The following CYB5A variants were observed in gnomAD, a reference collection of about 807,000 sequenced individuals.
The protein encoded by CYB5A is cytochrome b5 type A, also known as cytochrome b5.
CYB5A carries 10 observed loss-of-function variants against 16.2 expected under a neutral mutation model. That is an observed-to-expected ratio of 0.62 (90% CI 0.38 to 1.04). The LOEUF (loss-of-function observed/expected upper bound fraction) is 1.04, where lower values mean the gene tolerates loss of function less well. Among genes scored for constraint, CYB5A ranks in the 50% least tolerant of loss-of-function variants. The probability of loss-of-function intolerance (pLI) is 0.01; values close to 1 mark genes in which losing one functional copy is unlikely to be tolerated. For synonymous variants in CYB5A, 62 were observed against 57.0 expected, an observed-to-expected ratio of 1.09 and a Z score of -0.40; for missense variants, 161 against 165.9, an observed-to-expected ratio of 0.97 and a Z score of 0.16.
At chr18:74,267,368 G>T (rs1240071301) in intron 1 of CYB5A, among the ~76,000 whole-genome samples, 1 of 152,168 alleles carries the variant, frequency 6.6e-6, no homozygotes, top group Non-Finnish European at 1.5e-5. Context: ...GATTGGTCAG[G>T]CTGGTCTTGA....
intron 1 of CYB5A, among the ~76,000 whole-genome samples, chr18:74,278,998 A>ATCCACT (rs1568222734): frequency 6.6e-6 from 1 of 152,226 alleles, no homozygotes. Flanking sequence ...CTTGGGGTAC[A>ATCCACT]GGGAAGGACC....
Position 74,253,636 on chromosome 18 carries a change from A to G in CYB5A, c.353T>C (p.Ile118Thr). Residue 118 changes from isoleucine to threonine, a missense_variant, in exon 5 of 5, where the codon ATC (isoleucine) becomes ACC (threonine). Ile to Thr is a moderately conservative substitution (Grantham distance 89). Transcript: ENST00000340533. Reference protein sequence around the residue: ...SWWTNWVIPAISAVAVALMYR... With the variant: ...SWWTNWVIPATSAVAVALMYR... ...CATCAAGGCGACGGCCACTGCAGAGATGGCAGGGATCACCCAGTTGGTCCA... is the reference window on the plus strand; with the variant it reads ...CATCAAGGCGACGGCCACTGCAGAGGTGGCAGGGATCACCCAGTTGGTCCA... The G allele has an allele frequency of 1.2e-6, 2 of 1,613,540 alleles. No individual in the cohort carries two copies.
intron 1 of CYB5A, among the ~76,000 whole-genome samples, chr18:74,291,271 C>T (rs1281701994): frequency 6.6e-6 from 1 of 152,248 alleles, no homozygotes; most frequent in Non-Finnish European, 1.5e-5. Flanking sequence ...CATTTAAATC[C>T]CCCGCATGGC....
chr18:74,281,560 A>T (rs1037401202), intron 1 of CYB5A, among the ~76,000 whole-genome samples: 1 of 152,168 alleles, frequency 6.6e-6, no homozygotes, highest in African/African-American at 2.4e-5. Context: ...TGGAGAACTG[A>T]GAGCTGACAC....
intron 4 of CYB5A, 84 bp from the exon 5 acceptor site, chr18:74,253,749 AC>A: frequency 1.1e-6 from 1 of 930,220 alleles, no homozygotes; most frequent in Non-Finnish European, 1.7e-6. Context: ...ACAGAAAATT[AC>A]CAGGGCATGT....
At chr18:74,256,637 A>AG (rs1486206608) in intron 3 of CYB5A, 1 of 592,748 alleles carries the variant, frequency 1.7e-6, no homozygotes, top group Non-Finnish European at 3.0e-6. Flanking sequence ...TTAGGGCCTC[A>AG]AACAGAAGTT....
intron 1 of CYB5A, among the ~76,000 whole-genome samples, chr18:74,278,162 C>T (rs911569854): frequency 2.6e-4 from 39 of 152,250 alleles, no homozygotes; most frequent in African/African-American, 7.2e-4. Flanking sequence ...ACAGAGGTGA[C>T]GGAGCCAGTT....
intron 1 of CYB5A, among the ~76,000 whole-genome samples, chr18:74,275,562 C>T (rs2145067418): frequency 6.6e-6 from 1 of 152,322 alleles, no homozygotes; most frequent in Admixed American, 6.5e-5. Flanking sequence ...AGAGGATCTC[C>T]TGAGCCTAAT....
intron 1 of CYB5A, among the ~76,000 whole-genome samples, chr18:74,272,971 T>A (rs1982729145): frequency 6.6e-6 from 1 of 152,146 alleles, no homozygotes; most frequent in Admixed American, 6.5e-5. Context: ...TTAGTCCTTG[T>A]TTTTACTATC....
intron 4 of CYB5A, 150 bp downstream of exon 4, chr18:74,255,591 G>A: frequency 1.5e-6 from 1 of 662,502 alleles, no homozygotes; most frequent in Non-Finnish European, 2.7e-6. Context: ...TTGAGGCTGA[G>A]TGCTCTGAAC....
At chr18:74,275,654 G>A (rs1379045861) in intron 1 of CYB5A, among the ~76,000 whole-genome samples, 2 of 152,186 alleles carry the variant, frequency 1.3e-5, no homozygotes, top group Non-Finnish European at 2.9e-5. Flanking sequence ...CGAATACACA[G>A]TCCGAGCCTC....
At chr18:74,259,303 A>G (rs558821956) in intron 3 of CYB5A, 1 of 152,364 alleles carries the variant, frequency 6.6e-6, no homozygotes, top group Non-Finnish European at 1.5e-5. Flanking sequence ...CAATGTTGTC[A>G]GGAAAGCTTT....
intron 1 of CYB5A, among the ~76,000 whole-genome samples, chr18:74,287,789 G>A (rs1273649996): frequency 1.3e-5 from 2 of 152,152 alleles, no homozygotes; most frequent in Non-Finnish European, 2.9e-5. Context: ...TGGAAGTGTT[G>A]TTAATTACAG....
rs181018471 is a variant in CYB5A at position 74,269,193 on chromosome 18, G to T, written c.130-5716C>A. On this transcript the variant is annotated intron_variant, in intron 1 of 4. Transcript: ENST00000340533. ...GTAATGTCGGCTCCCAGCTCCTGTC[G>T]CTCCATGGCTTTATACAGCTCACAC... is the stretch of plus-strand genomic sequence containing the variant. 2.5e-3 allele frequency among the ~76,000 whole-genome samples: 375 copies of T among 152,206 alleles called. 4 individuals are homozygous for T. Among genetic ancestry groups the T allele is most frequent in the Non-Finnish European group, 1.9e-3 (131 of 68,018 alleles).
intron 1 of CYB5A, among the ~76,000 whole-genome samples, chr18:74,271,458 C>T (rs1190029708): frequency 6.6e-6 from 1 of 152,162 alleles, no homozygotes; most frequent in Non-Finnish European, 1.5e-5. Flanking sequence ...CCTCATCCCA[C>T]AGTGCAGTTT....
intron 1 of CYB5A, among the ~76,000 whole-genome samples, chr18:74,276,562 A>ACACACC (rs749005983): frequency 2.7e-5 from 4 of 148,094 alleles, no homozygotes; most frequent in South Asian, 2.2e-4. Context: ...ACACACACAC[A>ACACACC]CCCTTCTGTC....
chr18:74,287,407 G>A (rs952598195), intron 1 of CYB5A, among the ~76,000 whole-genome samples: 2 of 152,108 alleles, frequency 1.3e-5, no homozygotes, highest in African/African-American at 2.4e-5. Context: ...TCTCTTCCTC[G>A]ATTCCCAAGC....
intron 1 of CYB5A, among the ~76,000 whole-genome samples, chr18:74,287,004 G>T (rs1397080774): frequency 6.6e-6 from 1 of 152,076 alleles, no homozygotes; most frequent in African/African-American, 2.4e-5. Flanking sequence ...AAAATATAGA[G>T]ATATATATAG....
chr18:74,266,674 G>C (rs973535346), intron 1 of CYB5A, among the ~76,000 whole-genome samples: 1 of 151,576 alleles, frequency 6.6e-6, no homozygotes, highest in Non-Finnish European at 1.5e-5. Flanking sequence ...CAGCAACAAG[G>C]GATAGGTATG....
Sources: gnomAD v4.1 joint callset for allele counts (sites outside exome capture counted in the v4.1 genomes callset) on GRCh38, gnomAD v4.1.1 for gene constraint, MANE v1.5 for transcripts, NCBI Gene and HGNC (gene_info 2026-07-23, HGNC 2026-07-21) for gene names.